Variants in CDH10 observed in about 807,000 individuals in gnomAD.
The protein encoded by CDH10 is cadherin 10, also known as cadherin-10.
In CDH10, 30 loss-of-function variants were observed where a neutral mutation model predicts 73.1. The ratio of observed to expected loss-of-function variants is 0.41; its 90% CI spans 0.31 to 0.56. The LOEUF (loss-of-function observed/expected upper bound fraction) is 0.56. CDH10 is among the 20% of genes least tolerant of loss of function. The pLI is 0.27. For missense variants in CDH10, 815 were observed against 973.7 expected, an observed-to-expected ratio of 0.84 and a Z score of 2.17; for synonymous variants, 345 against 348.2, an observed-to-expected ratio of 0.99 and a Z score of 0.10.
intron 5 of CDH10, among the ~76,000 whole-genome samples, chr5:24,533,758 A>G (rs1743834660): frequency 6.6e-6 from 1 of 152,062 alleles, no homozygotes; most frequent in East Asian, 1.9e-4. Context: ...AATATGCAGG[A>G]TTATTATTGG....
At chr5:24,590,671 T>C (rs1746169223) in intron 2 of CDH10, among the ~76,000 whole-genome samples, 1 of 152,030 alleles carries the variant, frequency 6.6e-6, no homozygotes, top group Non-Finnish European at 1.5e-5. Flanking sequence ...CAATTCTTCC[T>C]AGGGTCTGGT....
At chr5:24,604,959 C>T (rs909021573) in intron 1 of CDH10, among the ~76,000 whole-genome samples, 12 of 151,702 alleles carry the variant, frequency 7.9e-5, no homozygotes, top group African/African-American at 2.9e-4. Context: ...AAATGTGTCT[C>T]TGATAAAGTC....
intron 8 of CDH10, 62 bp downstream of exon 8, chr5:24,505,050 G>T: frequency 8.8e-7 from 1 of 1,133,504 alleles, no homozygotes; most frequent in Non-Finnish European, 1.3e-6. Context: ...ATGTTAAACT[G>T]CATAAAATAT....
intron 2 of CDH10, among the ~76,000 whole-genome samples, chr5:24,553,481 A>C (rs371255940): frequency 6.6e-6 from 1 of 151,146 alleles, no homozygotes; most frequent in South Asian, 2.1e-4. Context: ...ACTGTCCCTG[A>C]CTCCTACTTT....
chr5:24,522,097 G>A (rs982860204), intron 5 of CDH10, among the ~76,000 whole-genome samples: 2 of 152,064 alleles, frequency 1.3e-5, no homozygotes, highest in Non-Finnish European at 2.9e-5. Context: ...TTGTGCCACT[G>A]CACTCCAGTG....
chr5:24,560,216 G>GTA (rs1411532216), intron 2 of CDH10, among the ~76,000 whole-genome samples: 4,563 of 139,570 alleles, frequency 0.033, 242 homozygotes, highest in African/African-American at 0.11. Flanking sequence ...GTGTGTGTGT[G>GTA]TGTGTGTGTG....
intron 4 of CDH10, 73 bp downstream of exon 4, chr5:24,535,630 C>T (rs1245896207): frequency 1.3e-5 from 17 of 1,344,782 alleles, no homozygotes; most frequent in Non-Finnish European, 1.7e-5. Context: ...TGTTCTTATT[C>T]TCCCATGGTC....
intron 2 of CDH10, among the ~76,000 whole-genome samples, chr5:24,566,100 G>A (rs756434127): frequency 5.3e-5 from 8 of 152,106 alleles, no homozygotes; most frequent in Non-Finnish European, 8.8e-5. Context: ...CCAGGCTGGA[G>A]TGGAGTGGTG....
At chr5:24,642,325 C>T (rs546757795) in intron 1 of CDH10, among the ~76,000 whole-genome samples, 54 of 152,080 alleles carry the variant, frequency 3.6e-4, no homozygotes, top group African/African-American at 1.3e-3. Flanking sequence ...GCACAGAAAT[C>T]CCCCAGATAG....
intron 1 of CDH10, among the ~76,000 whole-genome samples, chr5:24,601,458 A>G (rs1219365590): frequency 6.6e-6 from 1 of 152,176 alleles, no homozygotes; most frequent in Non-Finnish European, 1.5e-5. Flanking sequence ...TAATGTCCTT[A>G]TCTAGGAGAC....
intron 2 of CDH10, among the ~76,000 whole-genome samples, chr5:24,564,522 G>A (rs1034495528): frequency 2.6e-5 from 4 of 152,050 alleles, no homozygotes; most frequent in African/African-American, 9.7e-5. Flanking sequence ...CTTGGGTTCC[G>A]TGCTGCTGAT....
chr5:24,634,338 G>A (rs1221018815), intron 1 of CDH10, among the ~76,000 whole-genome samples: 1 of 151,740 alleles, frequency 6.6e-6, no homozygotes, highest in Non-Finnish European at 1.5e-5. Flanking sequence ...AACTTAAAGA[G>A]AAAGTATGTC....
At chr5:24,641,677 A>G (rs1415782322) in intron 1 of CDH10, among the ~76,000 whole-genome samples, 1 of 152,078 alleles carries the variant, frequency 6.6e-6, no homozygotes, top group Non-Finnish European at 1.5e-5. Context: ...TGAACCATAT[A>G]TTGTACTTAG....
At chr5:24,521,813 A>T (rs1022463713) in intron 5 of CDH10, among the ~76,000 whole-genome samples, 1 of 152,102 alleles carries the variant, frequency 6.6e-6, no homozygotes, top group Non-Finnish European at 1.5e-5. Context: ...GAGCTGGAGG[A>T]AAAAAGGAAG....
At chr5:24,579,986 T>C (rs867298620) in intron 2 of CDH10, among the ~76,000 whole-genome samples, 4 of 152,166 alleles carry the variant, frequency 2.6e-5, no homozygotes, top group Non-Finnish European at 5.9e-5. Context: ...TAATGCTCTA[T>C]CGCTTCAAAT....
intron 2 of CDH10, among the ~76,000 whole-genome samples, chr5:24,575,355 C>CAAAAAAAAA (rs751333761): frequency 3.9e-4 from 48 of 123,742 alleles, no homozygotes; most frequent in Admixed American, 5.1e-4. Context: ...ACAAAAACAA[C>CAAAAAAAAA]AAAAAAAAAA....
intron 1 of CDH10, among the ~76,000 whole-genome samples, chr5:24,639,709 G>A (rs2112217630): frequency 6.6e-6 from 1 of 151,800 alleles, no homozygotes; most frequent in East Asian, 1.9e-4. Context: ...TTGCAGCAAA[G>A]AAGAATCAAC....
At chr5:24,532,336 A>G (rs1208252866) in intron 5 of CDH10, among the ~76,000 whole-genome samples, 1 of 152,102 alleles carries the variant, frequency 6.6e-6, no homozygotes, top group Non-Finnish European at 1.5e-5. Context: ...CCAGCCACTG[A>G]GTCCATGCTT....
At chr5:24,638,275 G>A (rs960718565) in intron 1 of CDH10, among the ~76,000 whole-genome samples, 19 of 151,230 alleles carry the variant, frequency 1.3e-4, no homozygotes, top group African/African-American at 4.6e-4. Flanking sequence ...TGAAAATTAG[G>A]ATATATATTT....
Sources: allele counts gnomAD v4.1 joint callset (sites outside exome capture counted in the v4.1 genomes callset), GRCh38; gene constraint gnomAD v4.1.1; transcripts MANE v1.5; gene names NCBI Gene and HGNC (gene_info 2026-07-23, HGNC 2026-07-21).